Variants in CHRDL1 observed in about 807,000 individuals in gnomAD.
CHRDL1 encodes the protein chordin like 1.
Under a neutral mutation model 40.9 loss-of-function variants are expected in CHRDL1, and 19 were observed. The observed-to-expected ratio is 0.46, with a 90% confidence interval of 0.32 to 0.68. The LOEUF is 0.68. CHRDL1 is among the 30% of genes least tolerant of loss of function. The pLI is 0.03. For synonymous variants in CHRDL1, 136 were observed against 123.4 expected (o/e 1.10, Z -0.68); for missense variants, 329 against 352.1 (o/e 0.93, Z 0.53).
At chrX:110,771,814 T>C (rs1354516771) in intron 2 of CHRDL1, among the ~76,000 whole-genome samples, 2 of 111,306 alleles carry the variant, frequency 1.8e-5, no homozygotes, top group Admixed American at 1.9e-4. Flanking sequence ...TCAGTGAAAT[T>C]GGGTAAGAAG....
chrX:110,708,597 G>A (rs2070690663), intron 6 of CHRDL1, among the ~76,000 whole-genome samples: 1 of 111,573 alleles, frequency 9.0e-6, no homozygotes, highest in Admixed American at 9.5e-5. Flanking sequence ...CACACACAAC[G>A]GGGGGAATTC....
At chrX:110,694,610 G>A (rs1348710370) in intron 7 of CHRDL1, among the ~76,000 whole-genome samples, 1 of 112,097 alleles carries the variant, frequency 8.9e-6, no homozygotes, top group Non-Finnish European at 1.9e-5. Context: ...AGGGAGAAAA[G>A]AGCCAAAAAG....
chrX:110,714,337 C>A (rs2070800614), intron 6 of CHRDL1, among the ~76,000 whole-genome samples: 1 of 111,754 alleles, frequency 8.9e-6, no homozygotes, highest in South Asian at 3.8e-4. Context: ...GACACAGAAT[C>A]AACCTAAATG....
intron 7 of CHRDL1, among the ~76,000 whole-genome samples, 189 bp from the exon 8 acceptor site, chrX:110,694,520 A>G (rs2070346367): frequency 8.9e-6 from 1 of 111,857 alleles, no homozygotes; most frequent in Non-Finnish European, 1.9e-5. Context: ...TTTTCATTAA[A>G]ATTTTTTTTT....
chrX:110,743,499 T>A (rs776499245), intron 4 of CHRDL1, among the ~76,000 whole-genome samples: 2 of 111,984 alleles, frequency 1.8e-5, no homozygotes, highest in East Asian at 5.6e-4. Flanking sequence ...AATTCAGGCA[T>A]CTTTTAGAGC....
At chrX:110,698,236 T>C (rs2070441277) in intron 7 of CHRDL1, among the ~76,000 whole-genome samples, 1 of 111,367 alleles carries the variant, frequency 9.0e-6, no homozygotes, top group African/African-American at 3.3e-5. Flanking sequence ...TATTTTCTCA[T>C]TTTAGGCTGG....
chrX:110,703,724 A>G (rs749207838), intron 6 of CHRDL1, among the ~76,000 whole-genome samples: 7 of 112,250 alleles, frequency 6.2e-5, no homozygotes, highest in Non-Finnish European at 1.3e-4. Context: ...GTCAGATGTA[A>G]TCGTAGAAAG....
chrX:110,781,620 A>G (rs1013455957), intron 2 of CHRDL1, among the ~76,000 whole-genome samples: 1 of 111,251 alleles, frequency 9.0e-6, no homozygotes, highest in Admixed American at 9.5e-5. Flanking sequence ...GATAAAGAAG[A>G]AAGGGGATAA....
intron 10 of CHRDL1, 135 bp from the exon 11 acceptor site, chrX:110,679,560 C>T (rs1169648439): frequency 4.3e-6 from 2 of 468,534 alleles, no homozygotes; most frequent in Non-Finnish European, 7.5e-6. Context: ...GTGTAATGTG[C>T]TTAACCAGGA....
At chrX:110,732,965 GAAC>G (rs779625773) in intron 4 of CHRDL1, among the ~76,000 whole-genome samples, 28 of 111,791 alleles carry the variant, frequency 2.5e-4, no homozygotes, top group Non-Finnish European at 4.5e-4. Context: ...ATATTATAAA[GAAC>G]AAAAATGATT....
Position 110,772,668 on chromosome X carries a change from G to A in CHRDL1, c.95-9861C>T, listed in dbSNP as rs184630715. ...GCAAAAAGAACAACAACAGACTGAC[G>A]TTTTCAAGACAATGTGGTGTTGGCG... On this transcript the variant is annotated intron_variant, in intron 2 of 11. Coordinates refer to ENST00000372042, the MANE Select transcript of CHRDL1 (RefSeq NM_001143981.2). 1.9e-3 allele frequency among the ~76,000 whole-genome samples: 210 copies of A among 112,282 alleles called. 1 individual carries two copies. Among genetic ancestry groups the A allele is most frequent in the African/African-American group, 5.2e-3 (161 of 30,934 alleles).
chrX:110,721,864 G>C (rs2070962393), intron 4 of CHRDL1, among the ~76,000 whole-genome samples: 1 of 112,370 alleles, frequency 8.9e-6, no homozygotes, highest in Admixed American at 9.4e-5. Flanking sequence ...TGCCTAGATG[G>C]AGCTAATATT....
intron 8 of CHRDL1, among the ~76,000 whole-genome samples, chrX:110,689,977 C>T (rs1490956071): frequency 7.5e-5 from 1 of 13,278 alleles, no homozygotes; most frequent in Non-Finnish European, 1.4e-4. Context: ...CTATATATAT[C>T]TATATATCTA....
chrX:110,709,296 G>T (rs1265587139), intron 6 of CHRDL1, among the ~76,000 whole-genome samples: 1 of 112,118 alleles, frequency 8.9e-6, no homozygotes, highest in Non-Finnish European at 1.9e-5. Flanking sequence ...CTCAAGGGTA[G>T]CTTACACATG....
At chrX:110,686,192 C>T (rs940968044) in intron 9 of CHRDL1, among the ~76,000 whole-genome samples, 6 of 111,380 alleles carry the variant, frequency 5.4e-5, no homozygotes, top group Non-Finnish European at 1.1e-4. Flanking sequence ...TCACTGCACC[C>T]GGCCACCAAA....
chrX:110,682,027 A>G (rs984126660), intron 9 of CHRDL1, among the ~76,000 whole-genome samples: 4 of 112,285 alleles, frequency 3.6e-5, no homozygotes, highest in African/African-American at 1.3e-4. Flanking sequence ...ATTTCCATAC[A>G]GGGTCAGGAT....
intron 4 of CHRDL1, among the ~76,000 whole-genome samples, chrX:110,722,410 A>T (rs1248262457): frequency 9.3e-6 from 1 of 107,058 alleles, no homozygotes; most frequent in African/African-American, 3.4e-5. Context: ...TTTTCCACCC[A>T]TTGAGGTCCT....
At chrX:110,701,531 A>G in intron 6 of CHRDL1, among the ~76,000 whole-genome samples, 1 of 112,167 alleles carries the variant, frequency 8.9e-6, no homozygotes, top group Non-Finnish European at 1.9e-5. Flanking sequence ...TAAGAGTAAC[A>G]CGCCGGGTGC....
At chrX:110,789,209 G>A (rs1016008584) in intron 2 of CHRDL1, among the ~76,000 whole-genome samples, 2 of 111,719 alleles carry the variant, frequency 1.8e-5, no homozygotes, top group Non-Finnish European at 3.8e-5. Flanking sequence ...TCGAAAAGAT[G>A]CTGCAGAAAG....
Sources: gnomAD v4.1 joint callset for allele counts (sites outside exome capture counted in the v4.1 genomes callset) on GRCh38, gnomAD v4.1.1 for gene constraint, MANE v1.5 for transcripts, NCBI Gene and HGNC (gene_info 2026-07-23, HGNC 2026-07-21) for gene names.